The following BTRC variants were observed in gnomAD, a reference collection of about 807,000 sequenced individuals.
BTRC encodes F-box/WD repeat-containing protein 1A.
A neutral mutation model predicts 85.5 loss-of-function variants in BTRC; 42 were observed. The observed-to-expected ratio is 0.49, with a 90% CI of 0.38 to 0.64. BTRC has a LOEUF of 0.64. BTRC is among the 30% of genes least tolerant of loss of function. The pLI, the probability that BTRC is intolerant of heterozygous loss-of-function variation, is 0.00. For synonymous variants in BTRC, 255 were observed against 263.3 expected (o/e 0.97, Z 0.30); for missense variants, 594 against 743.5 (o/e 0.80, Z 2.34).
intron 4 of BTRC, among the ~76,000 whole-genome samples, chr10:101,503,673 C>G (rs1428939091): frequency 1.3e-5 from 2 of 152,204 alleles, no homozygotes; most frequent in African/African-American, 4.8e-5. Context: ...GCTGCTGCCT[C>G]ATAGAATTAT....
At chr10:101,460,003 A>G (rs1485610001) in intron 2 of BTRC, among the ~76,000 whole-genome samples, 2 of 152,244 alleles carry the variant, frequency 1.3e-5, no homozygotes, top group South Asian at 4.1e-4. Flanking sequence ...GCTCCAAGTT[A>G]TATGATAACA....
chr10:101,369,107 TAATG>T (rs1010702118), intron 1 of BTRC, among the ~76,000 whole-genome samples: 13 of 152,222 alleles, frequency 8.5e-5, no homozygotes, highest in Admixed American at 8.5e-4. Flanking sequence ...TGTGTTTCCT[TAATG>T]ACTACTGTAA....
At chr10:101,545,573 CAA>C (rs1303493833) in intron 13 of BTRC, among the ~76,000 whole-genome samples, 2 of 152,044 alleles carry the variant, frequency 1.3e-5, no homozygotes, top group Admixed American at 1.3e-4. Context: ...GTCCTTAAAA[CAA>C]GAGGAGATTG....
chr10:101,405,367 G>T (rs1943594939), intron 1 of BTRC, among the ~76,000 whole-genome samples: 1 of 152,150 alleles, frequency 6.6e-6, no homozygotes, highest in Non-Finnish European at 1.5e-5. Flanking sequence ...CTCTGCTTCT[G>T]CTGTGGCTTT....
At chr10:101,532,824 A>G (rs1319533658) in intron 8 of BTRC, 128 bp from the exon 9 acceptor site, 1 of 756,870 alleles carries the variant, frequency 1.3e-6, no homozygotes, top group Non-Finnish European at 2.2e-6. Context: ...AGCTATACCT[A>G]TAGAAAATGC....
intron 2 of BTRC, among the ~76,000 whole-genome samples, chr10:101,446,265 T>C (rs1944824424): frequency 6.6e-6 from 1 of 152,060 alleles, no homozygotes; most frequent in Admixed American, 6.6e-5. Context: ...GCCTCTAAGG[T>C]ATTCTAAATG....
intron 1 of BTRC, among the ~76,000 whole-genome samples, chr10:101,407,952 G>A (rs1249498518): frequency 2.0e-5 from 3 of 151,932 alleles, no homozygotes; most frequent in Non-Finnish European, 2.9e-5. Context: ...TCGATCTCTT[G>A]ACCTCATGAT....
intron 9 of BTRC, among the ~76,000 whole-genome samples, chr10:101,534,388 A>G (rs1295146362): frequency 6.6e-6 from 1 of 152,186 alleles, no homozygotes; most frequent in Non-Finnish European, 1.5e-5. Flanking sequence ...TACTAATGGT[A>G]TCAAATTGAA....
rs745423152 is a variant in BTRC at position 101,534,754 on chromosome 10, G to A, written c.1191G>A (p.Val397=). The A allele has an allele frequency of 1.2e-6, 2 of 1,614,048 alleles. No individual in the cohort carries two copies. The highest frequency in any genetic ancestry group is 2.7e-5 in the African/African-American group (2 of 74,918). ...LHLRFNNGMM[V]TCSKDRSIAV... is the part of the protein sequence containing the mutation. ...TGCGTTTCAATAATGGCATGATGGT[G>A]ACCTGCTCCAAAGATCGTTCCATTG... Residue 397 remains valine (V), a synonymous_variant, in exon 10 of 15, where the codon GTG becomes GTA. Coordinates refer to ENST00000370187, the MANE Select transcript of BTRC (RefSeq NM_033637.4).
chr10:101,366,782 A>ATTTTTTTATT (rs1564729588), intron 1 of BTRC, among the ~76,000 whole-genome samples: 2 of 81,618 alleles, frequency 2.5e-5, no homozygotes, highest in African/African-American at 7.7e-5. Flanking sequence ...ATATATATAT[A>ATTTTTTTATT]TATATATTTT....
chr10:101,482,361 A>G (rs368072770), intron 4 of BTRC, among the ~76,000 whole-genome samples: 27 of 142,210 alleles, frequency 1.9e-4, no homozygotes, highest in East Asian at 8.2e-4. Flanking sequence ...TGTGTGTCTC[A>G]TGATCCCTGT....
intron 3 of BTRC, among the ~76,000 whole-genome samples, chr10:101,466,879 A>G (rs1197683811): frequency 3.3e-5 from 5 of 152,316 alleles, no homozygotes; most frequent in African/African-American, 1.2e-4. Context: ...CGTTCTAAAC[A>G]TTGCCTTGGA....
At chr10:101,389,490 G>A (rs1269685777) in intron 1 of BTRC, among the ~76,000 whole-genome samples, 2 of 151,820 alleles carry the variant, frequency 1.3e-5, no homozygotes, top group Non-Finnish European at 2.9e-5. Flanking sequence ...GCTATGCATG[G>A]TAAACTTTGT....
chr10:101,502,811 A>G (rs1312822701), intron 4 of BTRC, among the ~76,000 whole-genome samples: 17 of 152,200 alleles, frequency 1.1e-4, no homozygotes, highest in Non-Finnish European at 2.1e-4. Flanking sequence ...GTGATAATCT[A>G]TTTTAAAGTG....
intron 4 of BTRC, among the ~76,000 whole-genome samples, chr10:101,481,281 A>G (rs1364048091): frequency 1.3e-5 from 2 of 152,196 alleles, no homozygotes; most frequent in African/African-American, 2.4e-5. Context: ...GCATGGAAAC[A>G]GGGATACACA....
At chr10:101,405,457 G>A (rs1047336742) in intron 1 of BTRC, among the ~76,000 whole-genome samples, 22 of 152,116 alleles carry the variant, frequency 1.4e-4, no homozygotes, top group African/African-American at 1.4e-4. Context: ...TGAGTGTTAC[G>A]ATACTCCTTC....
intron 2 of BTRC, among the ~76,000 whole-genome samples, chr10:101,439,962 T>C (rs1376140220): frequency 6.6e-6 from 1 of 152,260 alleles, no homozygotes; most frequent in Non-Finnish European, 1.5e-5. Flanking sequence ...ATTTTATTTA[T>C]TGCTCTTATT....
intron 1 of BTRC, among the ~76,000 whole-genome samples, chr10:101,370,834 A>G (rs140070073): frequency 0.01 from 1,582 of 152,152 alleles, 19 homozygotes; most frequent in Admixed American, 0.049. Context: ...TGCCTCCCCA[A>G]GTGCTGGGAT....
chr10:101,531,249 A>G lies in BTRC; in HGVS notation c.756A>G (p.Leu252=), dbSNP rs767683874. The part of the protein sequence containing the change: ...LAERRGWGQY[L]FKNKPPDGNA... ...TGTTATTTTTTAGGGGACAGTATTTATTCAAAAACAAACCTCCTGACGGGA... is the reference window on the plus strand; with the variant it reads ...TGTTATTTTTTAGGGGACAGTATTTGTTCAAAAACAAACCTCCTGACGGGA... Residue 252 remains leucine (L), a synonymous_variant, in exon 7 of 15, where the codon TTA becomes TTG. Transcript: ENST00000370187. 1 of 1,601,344 alleles carries G rather than the reference A, an allele frequency of 6.2e-7. No individual in the cohort carries two copies. The highest frequency in any genetic ancestry group is 1.1e-5 in the South Asian group (1 of 90,588).
Sources: gnomAD v4.1 joint callset for allele counts (sites outside exome capture counted in the v4.1 genomes callset) on GRCh38, gnomAD v4.1.1 for gene constraint, MANE v1.5 for transcripts, NCBI Gene and HGNC (gene_info 2026-07-23, HGNC 2026-07-21) for gene names.